KEL: variants seen among roughly 807,000 people sequenced by gnomAD.
KEL encodes Kell metallo-endopeptidase (Kell blood group), also known as kell blood group glycoprotein.
In KEL, 96 loss-of-function variants were observed where a neutral mutation model predicts 99.5. The ratio of observed to expected loss-of-function variants is 0.97; its 90% CI spans 0.82 to 1.14. The LOEUF (loss-of-function observed/expected upper bound fraction) is 1.14, where lower values mean the gene tolerates loss of function less well. Among genes scored for constraint, KEL ranks in the 50% most tolerant of loss-of-function variants. The pLI is 0.00. For missense variants in KEL, 926 were observed against 924.2 expected, an observed-to-expected ratio of 1.00 and a Z score of -0.03; for synonymous variants, 355 against 354.8, an observed-to-expected ratio of 1.00 and a Z score of -0.01.
At chr7:142,959,743 T>G (rs535100532) in intron 4 of KEL, among the ~76,000 whole-genome samples, 3 of 152,296 alleles carry the variant, frequency 2.0e-5, no homozygotes, top group Non-Finnish European at 4.4e-5. Context: ...AACACTCTTT[T>G]CACCCTCAGT....
chr7:142,960,776 C>A, intron 4 of KEL, 152 bp downstream of exon 4: 1 of 860,072 alleles, frequency 1.2e-6, no homozygotes, highest in Non-Finnish European at 2.0e-6. Context: ...TCTTTTACTC[C>A]CCCATCATCT....
rs902425813 is a variant in KEL, at chr7:142,942,524, G to A, written c.1947C>T (p.Tyr649=). Reference sequence around the variant, plus strand: ...CATGGTGCCGTAACAGCCTCTTGCTGTATGCCTGGGTAGGGGTGGGTAGAG... The same window carrying A: ...CATGGTGCCGTAACAGCCTCTTGCTATATGCCTGGGTAGGGGTGGGTAGAG... The part of the protein sequence containing the change: ...VGGLAIALQA[Y]SKRLLRHHGE... The change falls in exon 18 of 19, where the codon TAC becomes TAT. Residue 649 remains tyrosine (Y), a synonymous_variant. Transcript: ENST00000355265. 4 of 1,604,266 alleles carry A rather than the reference G, an allele frequency of 2.5e-6. No individual in the cohort carries two copies. Among genetic ancestry groups the A allele is most frequent in the Non-Finnish European group, 3.4e-6 (4 of 1,174,814 alleles).
chr7:142,942,283 G>A, intron 18 of KEL, 151 bp downstream of exon 18: 1 of 658,692 alleles, frequency 1.5e-6, no homozygotes, highest in South Asian at 1.7e-5. Context: ...AAGGGGTAGG[G>A]AGGGAAGAGA....
At position 142,958,285 on chromosome 7, in the gene KEL, A is replaced by G; in HGVS notation, c.525+19T>C. On this transcript the variant is annotated intron_variant, in intron 5 of 18. Coordinates refer to ENST00000355265, the MANE Select transcript of KEL (RefSeq NM_000420.3). Reference sequence around the variant, plus strand: ...ATATGTTATGTATCCAGAAAAGTTAATATCCCAACTTTTCTCACCTCCTCA... The same window carrying G: ...ATATGTTATGTATCCAGAAAAGTTAGTATCCCAACTTTTCTCACCTCCTCA... 6.2e-7 allele frequency: 1 copy of G among 1,614,076 alleles called. No individual in the cohort carries two copies. The highest frequency in any genetic ancestry group is 1.1e-5 in the South Asian group (1 of 91,082).
chr7:142,958,166 C>A (rs1796873788), intron 5 of KEL, 138 bp downstream of exon 5: 1 of 1,361,720 alleles, frequency 7.3e-7, no homozygotes, highest in South Asian at 1.2e-5. Flanking sequence ...ATAACCATTT[C>A]CATCTCCATC....
rs762542796 is a variant in KEL, at chr7:142,943,310, C to A, written c.1737G>T (p.Met579Ile). 1.9e-6 allele frequency: 3 copies of A among 1,614,106 alleles called. No homozygotes were observed. Among genetic ancestry groups the A allele is most frequent in the Non-Finnish European group, 2.5e-6 (3 of 1,179,988 alleles). ...AVNFGAAGSIMAHELLHIFYQ... is the reference protein window; with the variant it reads ...AVNFGAAGSIIAHELLHIFYQ... ...AGAAGATGTGCAACAGCTCGTGGGC[C>A]ATGATGCTGCCAGCAGCGCCAAAGT... is the stretch of plus-strand genomic sequence containing the variant. Residue 579 changes from methionine (M) to isoleucine (I), a missense_variant, in exon 16 of 19, where the codon ATG (methionine) becomes ATT (isoleucine). Transcript: ENST00000355265.
chr7:142,945,668 A>C (rs1464275720), intron 11 of KEL, among the ~76,000 whole-genome samples: 1 of 151,080 alleles, frequency 6.6e-6, no homozygotes, highest in Non-Finnish European at 1.5e-5. Flanking sequence ...CACTCTTGTC[A>C]CCCAGGCTAG....
rs1287270230 is a variant in KEL, at chr7:142,961,733, G to C, written c.81+62C>G. ...ACAGTTAGTAGATGAGTGTTTGTGG[G>C]ATTTTAGAGCCGAGAGTGACAACAT... On this transcript the variant is annotated intron_variant, in intron 2 of 18. Coordinates refer to ENST00000355265, the MANE Select transcript of KEL (RefSeq NM_000420.3). 3 of 1,445,986 alleles carry C rather than the reference G, an allele frequency of 2.1e-6. No individual in the cohort carries two copies. In the African/African-American group the frequency reaches 4.2e-5, roughly 20 times the overall value. The allele number at this position is 1,445,986 out of a possible 1,614,324, so 89.6% of individuals were successfully genotyped here. A position where few individuals can be genotyped will look rare whatever the true frequency, so the allele number is the denominator to read the frequency against.
chr7:142,942,152 GA>G (rs1003263473), intron 18 of KEL: 34 of 520,038 alleles, frequency 6.5e-5, no homozygotes, highest in African/African-American at 1.3e-4. Context: ...GGTATGAGAG[GA>G]AAAAAAAGTT....
At chr7:142,958,064 G>T in intron 5 of KEL, 91 bp from the exon 6 acceptor site, 1 of 1,497,314 alleles carries the variant, frequency 6.7e-7, no homozygotes, top group South Asian at 1.2e-5. Flanking sequence ...GCTACTGCCT[G>T]ACCTCTGCCC....
chr7:142,942,498 C>A lies in KEL; in HGVS notation c.1973G>T (p.Gly658Val). 1 of 1,610,240 alleles carries A rather than the reference C, an allele frequency of 6.2e-7. No homozygotes were observed. Among genetic ancestry groups the A allele is most frequent in the Non-Finnish European group, 8.5e-7 (1 of 1,178,412 alleles). The change falls in exon 18 of 19, where the codon GGG becomes GTG. Residue 658 changes from glycine (G) to valine (V), a missense_variant. Coordinates refer to ENST00000355265, the MANE Select transcript of KEL (RefSeq NM_000420.3). ...AYSKRLLRHHGETVLPSLDLS... is the reference protein window; with the variant it reads ...AYSKRLLRHHVETVLPSLDLS... ...GTCCAGGCTGGGCAGGACAGTCTCC[C>A]CATGGTGCCGTAACAGCCTCTTGCT...
intron 1 of KEL, 160 bp from the exon 2 acceptor site, chr7:142,962,032 A>G: frequency 6.2e-7 from 1 of 1,609,938 alleles, no homozygotes; most frequent in Admixed American, 1.7e-5. Context: ...CTTCAGAACG[A>G]ACCTGTCCCC....
chr7:142,949,499 T>C (rs571360919), intron 10 of KEL, among the ~76,000 whole-genome samples: 1 of 152,334 alleles, frequency 6.6e-6, no homozygotes, highest in Admixed American at 6.5e-5. Flanking sequence ...CTAACATATT[T>C]TATTATTTTA....
chr7:142,946,160 G>A, intron 11 of KEL, 47 bp downstream of exon 11: 1 of 1,329,124 alleles, frequency 7.5e-7, no homozygotes, highest in Non-Finnish European at 1.1e-6. Flanking sequence ...GGCTGCTTTG[G>A]GTAGGAAGGG....
intron 16 of KEL, 28 bp from the exon 17 acceptor site, chr7:142,943,072 C>G: frequency 6.2e-7 from 1 of 1,612,838 alleles, no homozygotes; most frequent in Non-Finnish European, 8.5e-7. Context: ...AGAGAACATA[C>G]AGCAAGAGAA....
chr7:142,946,384 T>C (rs1054424287), intron 10 of KEL, 67 bp from the exon 11 acceptor site: 2 of 1,240,570 alleles, frequency 1.6e-6, no homozygotes, highest in African/African-American at 3.0e-5. Context: ...CTCCCCAGTC[T>C]TCACTAGATC....
rs150259463 is a variant in KEL, at chr7:142,954,276, T to G, written c.832A>C (p.Ile278Leu). The change falls in exon 8 of 19, where the codon ATC (isoleucine) becomes CTC (leucine). Residue 278 changes from isoleucine to leucine, a missense_variant. Ile to Leu is a conservative substitution (Grantham distance 5). Transcript: ENST00000355265. ...VQEHSSLSISITSRLFQFLRP... is the reference protein window; with the variant it reads ...VQEHSSLSISLTSRLFQFLRP... ...AGAAACTGGAACAGCCGTGAAGTGA[T>G]GGAGATTGACAAGGAAGAGTGTTCT... 3.5e-4 allele frequency: 559 copies of G among 1,613,672 alleles called. No homozygotes were observed. The highest frequency in any genetic ancestry group is 4.6e-4 in the Non-Finnish European group (540 of 1,179,746).
intron 18 of KEL, among the ~76,000 whole-genome samples, chr7:142,941,768 T>A (rs1796363249): frequency 6.6e-6 from 1 of 150,750 alleles, no homozygotes; most frequent in Admixed American, 6.6e-5. Context: ...TAAGGTCAGG[T>A]GTCTGAAGAG....
chr7:142,949,334 T>A (rs545195594), intron 10 of KEL, among the ~76,000 whole-genome samples: 1 of 152,328 alleles, frequency 6.6e-6, no homozygotes, highest in South Asian at 2.1e-4. Context: ...GCAATTTGAG[T>A]GGAGTCTCAT....
Sources: gnomAD v4.1 joint callset for allele counts (sites outside exome capture counted in the v4.1 genomes callset) on GRCh38, gnomAD v4.1.1 for gene constraint, MANE v1.5 for transcripts, NCBI Gene and HGNC (gene_info 2026-07-23, HGNC 2026-07-21) for gene names.